Variants in PFKFB1 observed in about 807,000 individuals in gnomAD.
PFKFB1 encodes the protein 6-phosphofructo-2-kinase/fructose-2,6-biphosphatase 1.
A neutral mutation model predicts 46.4 loss-of-function variants in PFKFB1; 34 were observed. That is an observed-to-expected ratio of 0.73 (90% CI 0.56 to 0.98). The LOEUF is 0.98. Among genes scored for constraint, PFKFB1 ranks in the 50% least tolerant of loss-of-function variants. PFKFB1 has a pLI of 0.00. For missense variants in PFKFB1, 393 were observed against 376.3 expected, an observed-to-expected ratio of 1.04 and a Z score of -0.37; for synonymous variants, 119 against 133.8, an observed-to-expected ratio of 0.89 and a Z score of 0.76.
intron 6 of PFKFB1, among the ~76,000 whole-genome samples, chrX:54,956,828 G>A (rs1934159178): frequency 9.2e-6 from 1 of 109,215 alleles, no homozygotes; most frequent in Non-Finnish European, 1.9e-5. Context: ...TCACCTCTTA[G>A]CAGGTACCAA....
At chrX:54,979,912 G>C (rs1330224256) in intron 1 of PFKFB1, among the ~76,000 whole-genome samples, 3 of 111,903 alleles carry the variant, frequency 2.7e-5, no homozygotes, top group Non-Finnish European at 5.7e-5. Context: ...TTGGAAGCCA[G>C]CTGTCATGTT....
chrX:54,940,467 A>C (rs1276175820), intron 10 of PFKFB1, among the ~76,000 whole-genome samples: 1 of 111,811 alleles, frequency 8.9e-6, no homozygotes, highest in Non-Finnish European at 1.9e-5. Flanking sequence ...TGTTTGCAGA[A>C]GACATGATTG....
At chrX:54,990,036 G>A (rs1188226793) in intron 1 of PFKFB1, among the ~76,000 whole-genome samples, 1 of 111,305 alleles carries the variant, frequency 9.0e-6, no homozygotes. Context: ...CTGTTTAGTA[G>A]GCCAATTATC....
chrX:54,946,093 G>T, intron 9 of PFKFB1, among the ~76,000 whole-genome samples: 1 of 110,502 alleles, frequency 9.0e-6, no homozygotes, highest in Non-Finnish European at 1.9e-5. Context: ...AGGTCTCAGT[G>T]TGTCTGTGGC....
upstream of PFKFB1, among the ~76,000 whole-genome samples, chrX:54,997,274 G>A (rs186554289): frequency 9.9e-4 from 110 of 111,607 alleles, no homozygotes; most frequent in Admixed American, 8.2e-3. Context: ...ACCTTGAATG[G>A]GACAGAAACA....
At chrX:54,972,732 T>C (rs1291354250) in intron 1 of PFKFB1, among the ~76,000 whole-genome samples, 7 of 111,650 alleles carry the variant, frequency 6.3e-5, no homozygotes, top group African/African-American at 2.0e-4. Context: ...CTGCTGGATT[T>C]GGTTTGCCAG....
At chrX:54,953,190 C>A (rs1219318313) in intron 7 of PFKFB1, among the ~76,000 whole-genome samples, 3 of 111,590 alleles carry the variant, frequency 2.7e-5, no homozygotes, top group African/African-American at 9.8e-5. Context: ...GAGTGGAAGG[C>A]TGGGGCAATG....
chrX:54,955,362 T>C (rs1730400798), intron 7 of PFKFB1, among the ~76,000 whole-genome samples: 1 of 111,408 alleles, frequency 9.0e-6, no homozygotes, highest in Admixed American at 9.6e-5. Context: ...ACTTCTCACT[T>C]GGGGTCTCTT....
intron 1 of PFKFB1, among the ~76,000 whole-genome samples, chrX:54,974,133 A>T (rs905033516): frequency 1.8e-5 from 2 of 111,585 alleles, no homozygotes; most frequent in Admixed American, 1.9e-4. Flanking sequence ...ACTCATATGG[A>T]AGGGCTAAGA....
chrX:54,972,841 T>C (rs755076615), intron 1 of PFKFB1, among the ~76,000 whole-genome samples: 5 of 111,768 alleles, frequency 4.5e-5, no homozygotes, highest in African/African-American at 1.6e-4. Flanking sequence ...ATCAGGATGA[T>C]GCTCGTCTCA....
chrX:54,998,275 T>TC, upstream of PFKFB1: 1 of 514,123 alleles, frequency 1.9e-6, no homozygotes, highest in East Asian at 3.6e-5. Flanking sequence ...TATAATCTTT[T>TC]CCCCCACTTT....
intron 9 of PFKFB1, among the ~76,000 whole-genome samples, chrX:54,945,926 A>G (rs1477338394): frequency 9.0e-6 from 1 of 110,566 alleles, no homozygotes; most frequent in East Asian, 2.9e-4. Flanking sequence ...GTCTGTGTGC[A>G]GCATGCTTAT....
intron 4 of PFKFB1, 141 bp from the exon 5 acceptor site, chrX:54,959,066 T>A: frequency 4.3e-6 from 2 of 462,240 alleles, no homozygotes; most frequent in Non-Finnish European, 3.9e-6. Flanking sequence ...GAAGGATTCA[T>A]GATTGGCTTA....
intron 1 of PFKFB1, among the ~76,000 whole-genome samples, chrX:54,983,555 A>G (rs1336893566): frequency 8.9e-6 from 1 of 112,099 alleles, no homozygotes; most frequent in Non-Finnish European, 1.9e-5. Flanking sequence ...CATTTTCTTT[A>G]TCCAGTCTAT....
intron 1 of PFKFB1, among the ~76,000 whole-genome samples, chrX:54,975,484 AGGAT>A (rs1934814055): frequency 9.0e-6 from 1 of 110,878 alleles, no homozygotes; most frequent in Non-Finnish European, 1.9e-5. Context: ...CTTGCGGGGA[AGGAT>A]GGAAGGAGGG....
intron 8 of PFKFB1, among the ~76,000 whole-genome samples, chrX:54,951,102 C>T (rs1325709458): frequency 8.8e-6 from 1 of 113,149 alleles, no homozygotes; most frequent in Non-Finnish European, 1.9e-5. Flanking sequence ...CACTTCATTT[C>T]CCACCTGTTC....
chrX:54,955,771 T>C (rs1443207991), intron 7 of PFKFB1, among the ~76,000 whole-genome samples: 1 of 112,235 alleles, frequency 8.9e-6, no homozygotes, highest in Non-Finnish European at 1.9e-5. Flanking sequence ...ATAAGACTTA[T>C]CTCAGCCTCC....
intron 10 of PFKFB1, 74 bp from the exon 11 acceptor site, chrX:54,937,798 T>C (rs1162039282): frequency 2.4e-5 from 24 of 990,462 alleles, no homozygotes; most frequent in Admixed American, 5.2e-5. Context: ...AACTCTAAAC[T>C]AGGAATCAAG....
intron 1 of PFKFB1, among the ~76,000 whole-genome samples, chrX:54,969,278 A>C (rs1934569854): frequency 9.0e-6 from 1 of 111,718 alleles, no homozygotes; most frequent in Non-Finnish European, 1.9e-5. Flanking sequence ...TAATAATGGA[A>C]TGGTTTAGTT....
Sources: allele counts gnomAD v4.1 joint callset (sites outside exome capture counted in the v4.1 genomes callset), GRCh38; gene constraint gnomAD v4.1.1; transcripts MANE v1.5; gene names NCBI Gene and HGNC (gene_info 2026-07-23, HGNC 2026-07-21).